Variants in MCF2L observed in about 807,000 individuals in gnomAD.
MCF2L encodes the protein MCF.2 cell line derived transforming sequence like.
MCF2L carries 97 observed loss-of-function variants against 153.4 expected under a neutral mutation model. The observed-to-expected ratio is 0.63, with a 90% CI of 0.54 to 0.75. The LOEUF (loss-of-function observed/expected upper bound fraction) is 0.75, where lower values mean the gene tolerates loss of function less well. Ranked by LOEUF, MCF2L falls within the 30% of genes least tolerant of loss-of-function variation. The pLI is 0.00. For missense variants in MCF2L, 1,347 were observed against 1,495.2 expected, an observed-to-expected ratio of 0.90 and a Z score of 1.64; for synonymous variants, 659 against 632.2, an observed-to-expected ratio of 1.04 and a Z score of -0.64.
At chr13:112,915,950 G>A (rs575948795) in intron 2 of MCF2L, among the ~76,000 whole-genome samples, 1 of 151,952 alleles carries the variant, frequency 6.6e-6, no homozygotes, top group South Asian at 2.1e-4. Context: ...TGTAATCCCA[G>A]CACTTTGGGA....
In MCF2L at chr13:112,904,515, TA is replaced by T. The variant is rs962336250; in HGVS notation, c.169+2146del. ...CACCCACTTAGCAAGCCGTGGCTCTTAATAATGTCACATCTGACTTCTTCCT... is the reference window on the plus strand; with the variant it reads ...CACCCACTTAGCAAGCCGTGGCTCTTATAATGTCACATCTGACTTCTTCCT... On this transcript the variant is annotated intron_variant, in intron 2 of 29. Coordinates refer to the MCF2L transcript ENST00000375608. The surrounding 1 kb of genome is among the most constrained non-coding windows in gnomAD (Gnocchi z 4.2). 4.6e-5 allele frequency among the ~76,000 whole-genome samples: 7 copies of T among 152,188 alleles called. No individual in the cohort carries two copies. Among genetic ancestry groups the T allele is most frequent in the Non-Finnish European group, 8.8e-5 (6 of 68,026 alleles).
At chr13:113,083,039 A>T (rs956438163) in intron 17 of MCF2L, among the ~76,000 whole-genome samples, 2 of 152,016 alleles carry the variant, frequency 1.3e-5, no homozygotes, top group Admixed American at 6.5e-5. Context: ...CCCCCGAGCG[A>T]CCCGTGGCCT....
chr13:113,096,810 C>T lies in MCF2L; in HGVS notation c.3329C>T (p.Ser1110Phe). ...SPGSAVLSNS[S>F]SCSEGGQAPF... ...GGGTCGGCCGTGCTGAGCAACTCGT[C>T]CAGCTGCAGCGAGGGCGGCCAGGCC... The change falls in exon 30 of 30, where the codon TCC becomes TTC. Residue 1110 changes from serine (S) to phenylalanine (F), a missense_variant. This residue lies in a region of MCF2L where 383 missense variants were observed against 335.4 expected (regional missense o/e 1.14). Coordinates refer to ENST00000535094, the MANE Select transcript of MCF2L (RefSeq NM_001112732.3). 6.5e-7 allele frequency: 1 copy of T among 1,547,056 alleles called. No homozygotes were observed. Among genetic ancestry groups the T allele is most frequent in the South Asian group, 1.2e-5 (1 of 84,832 alleles).
intron 3 of MCF2L, among the ~76,000 whole-genome samples, chr13:113,025,257 A>G (rs796526891): frequency 5.0e-5 from 3 of 59,410 alleles, no homozygotes; most frequent in South Asian, 5.8e-4. Context: ...TTTCCCCGTC[A>G]TGGGGTCCCC....
chr13:112,925,668 G>A (rs1368204106), intron 2 of MCF2L, among the ~76,000 whole-genome samples: 1 of 152,148 alleles, frequency 6.6e-6, no homozygotes, highest in East Asian at 1.9e-4. Flanking sequence ...TGGTTGGGAA[G>A]GGGCCAGGAA....
In MCF2L at chr13:113,077,320, C is replaced by T. The variant is rs781535631; in HGVS notation, c.1660+109C>T. The T allele has an allele frequency of 5.7e-5, 71 of 1,256,184 alleles. No homozygotes were observed. The Middle Eastern group carries it at 1.1e-3, about 20-fold the overall frequency. The allele number at this position is 1,256,184 out of a possible 1,614,324, so 77.8% of individuals were successfully genotyped here. A position where few individuals can be genotyped will look rare whatever the true frequency, so the allele number is the denominator to read the frequency against. Reference sequence around the variant, plus strand: ...GCCACCTGCGAAAACTGTCTCCACACGCCTCCTCCCCTTCCACCTCCGGGC... The same window carrying T: ...GCCACCTGCGAAAACTGTCTCCACATGCCTCCTCCCCTTCCACCTCCGGGC... On this transcript the variant is annotated intron_variant, in intron 13 of 29. Coordinates refer to ENST00000535094, the MANE Select transcript of MCF2L (RefSeq NM_001112732.3).
intron 2 of MCF2L, among the ~76,000 whole-genome samples, chr13:112,906,139 T>C (rs2081170780): frequency 6.6e-6 from 1 of 152,238 alleles, no homozygotes; most frequent in Non-Finnish European, 1.5e-5. Flanking sequence ...CTCTGTTTGC[T>C]CTTGGTTTCC....
At chr13:113,057,547 G>T (rs113051014) in intron 4 of MCF2L, among the ~76,000 whole-genome samples, 1 of 139,536 alleles carries the variant, frequency 7.2e-6, no homozygotes, top group Non-Finnish European at 1.5e-5. Context: ...TAGTAGCTGC[G>T]TGTTTGCTGT....
chr13:112,986,436 C>CGTCA (rs1201344158), intron 1 of MCF2L, among the ~76,000 whole-genome samples: 1 of 152,210 alleles, frequency 6.6e-6, no homozygotes, highest in Non-Finnish European at 1.5e-5. Context: ...CAGCAGTAGA[C>CGTCA]GTCAGCACCA....
At chr13:113,072,030 C>T (rs1405795920) in intron 9 of MCF2L, among the ~76,000 whole-genome samples, 2 of 152,114 alleles carry the variant, frequency 1.3e-5, no homozygotes, top group African/African-American at 2.4e-5. Flanking sequence ...TCATCAGTGT[C>T]GAGTAGTTCT....
chr13:113,012,320 T>C (rs1438802632), intron 1 of MCF2L, among the ~76,000 whole-genome samples: 4 of 90,486 alleles, frequency 4.4e-5, no homozygotes, highest in South Asian at 5.7e-4. Context: ...GGTGGACAGG[T>C]GGTGTGGACG....
chr13:112,945,933 T>TC (rs2081632821), intron 2 of MCF2L, among the ~76,000 whole-genome samples: 1 of 152,210 alleles, frequency 6.6e-6, no homozygotes, highest in South Asian at 2.1e-4. Context: ...TTTGGGACTG[T>TC]CCCTGTGGCT....
At chr13:113,029,822 C>A (rs2085537517) in intron 3 of MCF2L, among the ~76,000 whole-genome samples, 3 of 152,190 alleles carry the variant, frequency 2.0e-5, no homozygotes, top group Admixed American at 6.5e-5. Context: ...AGCTGCACAG[C>A]CAGCACATTC....
rs1477316058 is a variant in MCF2L, at chr13:113,058,820, GTGTT to G, written c.370-1770_370-1767del. 2.4e-3 allele frequency among the ~76,000 whole-genome samples: 364 copies of G among 149,336 alleles called. 3 individuals carry two copies. The highest frequency in any genetic ancestry group is 8.1e-3 in the African/African-American group (326 of 40,356). ...TATTTGGGCACTGAGTGGGCGCTGT[GTGTT>G]TGGGCGCTGAGTGTTTGGGTGCTGA... On this transcript the variant is annotated intron_variant, in intron 4 of 29. Coordinates refer to ENST00000535094, the MANE Select transcript of MCF2L (RefSeq NM_001112732.3).
intron 7 of MCF2L, chr13:113,065,304 C>A: frequency 1.7e-6 from 1 of 572,464 alleles, no homozygotes; most frequent in South Asian, 2.2e-5. Flanking sequence ...TGTAAATGAA[C>A]CCTGTAGATT....
chr13:112,987,378 G>A (rs1329485118), intron 1 of MCF2L, among the ~76,000 whole-genome samples: 4 of 152,076 alleles, frequency 2.6e-5, no homozygotes. Flanking sequence ...GTCAGCACCA[G>A]CACCCATTGG....
chr13:113,021,536 T>C (rs2084884614), intron 2 of MCF2L, among the ~76,000 whole-genome samples: 1 of 152,182 alleles, frequency 6.6e-6, no homozygotes, highest in Non-Finnish European at 1.5e-5. Context: ...GACAGGGTGC[T>C]GTTCTGAACC....
chr13:112,979,508 G>A (rs938589996), intron 1 of MCF2L: 5 of 1,461,988 alleles, frequency 3.4e-6, no homozygotes, highest in African/African-American at 1.4e-5. Context: ...AGGGTCCTGA[G>A]CACCTGTCTC....
In MCF2L at chr13:113,054,255, G is replaced by A. The variant is rs1415169031; in HGVS notation, c.370-6338G>A. 6.0e-6 allele frequency: 1 copy of A among 167,732 alleles called. No individual in the cohort carries two copies. The highest frequency in any genetic ancestry group is 1.5e-5 in the Non-Finnish European group (1 of 68,278). 10.4% of individuals were successfully genotyped at this position (167,732 alleles called of 1,614,324 possible). A position where few individuals can be genotyped will look rare whatever the true frequency, so the allele number is the denominator to read the frequency against. On this transcript the variant is annotated intron_variant, in intron 4 of 29. Coordinates refer to ENST00000535094, the MANE Select transcript of MCF2L (RefSeq NM_001112732.3). This position sits in a 1 kb window ranked among gnomAD's most constrained non-coding sequence, Gnocchi z 5.2. Reference sequence around the variant, plus strand: ...GATTATTGTACATTCGGGAGTGGGAGTGCGATTGGATGTGTGTCTGCAGAT... The same window carrying A: ...GATTATTGTACATTCGGGAGTGGGAATGCGATTGGATGTGTGTCTGCAGAT...
Sources: gnomAD v4.1 joint callset for allele counts (sites outside exome capture counted in the v4.1 genomes callset) on GRCh38, gnomAD v4.1.1 for gene constraint, gnomAD v4.1.1 regional missense constraint, Gnocchi (gnomAD v3.1) non-coding constraint, MANE v1.5 for transcripts, NCBI Gene and HGNC (gene_info 2026-07-23, HGNC 2026-07-21) for gene names.